The following SLC25A21 variants were observed in gnomAD, a reference collection of about 807,000 sequenced individuals.
The protein encoded by SLC25A21 is mitochondrial 2-oxodicarboxylate carrier.
A neutral mutation model predicts 43.8 loss-of-function variants in SLC25A21; 47 were observed. The observed-to-expected ratio is 1.07, with a 90% CI of 0.85 to 1.37. The LOEUF (loss-of-function observed/expected upper bound fraction) is 1.37, where lower values mean the gene tolerates loss of function less well. SLC25A21 is among the 40% of genes most tolerant of loss of function. The pLI, the probability that SLC25A21 is intolerant of heterozygous loss-of-function variation, is 0.00. For synonymous variants in SLC25A21, 131 were observed against 121.3 expected, an observed-to-expected ratio of 1.08 and a Z score of -0.52; for missense variants, 352 against 350.2, an observed-to-expected ratio of 1.00 and a Z score of -0.04.
intron 1 of SLC25A21, among the ~76,000 whole-genome samples, chr14:36,984,614 C>G (rs1960104380): frequency 6.6e-6 from 1 of 151,838 alleles, no homozygotes; most frequent in African/African-American, 2.4e-5. Context: ...TAGGTTTAAG[C>G]GTTTTGCTTT....
chr14:36,981,452 T>C (rs1275552425), intron 1 of SLC25A21, among the ~76,000 whole-genome samples: 2 of 152,144 alleles, frequency 1.3e-5, no homozygotes, highest in East Asian at 3.8e-4. Context: ...TGTCCAACAA[T>C]GATAGACTGG....
chr14:36,745,799 G>A (rs964272824), intron 3 of SLC25A21, among the ~76,000 whole-genome samples: 9 of 152,134 alleles, frequency 5.9e-5, no homozygotes, highest in Middle Eastern at 3.4e-3. Flanking sequence ...TAAGTTGCAC[G>A]AATAGGCATT....
intron 3 of SLC25A21, among the ~76,000 whole-genome samples, chr14:36,804,341 T>G (rs955249961): frequency 5.3e-5 from 8 of 152,202 alleles, no homozygotes; most frequent in African/African-American, 1.9e-4. Flanking sequence ...TACCACTCTT[T>G]TGTTATTGAC....
At chr14:36,958,459 T>C (rs1158935616) in intron 1 of SLC25A21, among the ~76,000 whole-genome samples, 1 of 152,222 alleles carries the variant, frequency 6.6e-6, no homozygotes, top group Non-Finnish European at 1.5e-5. Context: ...CCTGCAGGTA[T>C]GTGTTTCATC....
intron 1 of SLC25A21, among the ~76,000 whole-genome samples, chr14:37,010,822 G>C (rs1303682730): frequency 1.3e-5 from 2 of 152,112 alleles, no homozygotes; most frequent in Non-Finnish European, 2.9e-5. Flanking sequence ...AGAGATCAGT[G>C]CAGCCTTGAA....
At chr14:36,719,574 A>C (rs990348450) in intron 6 of SLC25A21, among the ~76,000 whole-genome samples, 7 of 152,204 alleles carry the variant, frequency 4.6e-5, no homozygotes, top group African/African-American at 1.7e-4. Flanking sequence ...TTCTTTATTC[A>C]CTGTGAAGTT....
At chr14:36,686,298 C>A (rs1229332940) in intron 7 of SLC25A21, among the ~76,000 whole-genome samples, 1 of 152,172 alleles carries the variant, frequency 6.6e-6, no homozygotes, top group Non-Finnish European at 1.5e-5. Flanking sequence ...ACAGGAAAAA[C>A]AATGCAGTGA....
At position 36,680,576 on chromosome 14, in the gene SLC25A21, G is replaced by A. The variant is rs1281544776; in HGVS notation, c.*82C>T. ...TTTTCTCCTTCATAATTATACACCT[G>A]GCCGATCGATAGTCTCTCTTCTTCA... On this transcript the variant is annotated 3_prime_UTR_variant, in exon 10 of 10. Transcript: ENST00000331299. 23 of 1,522,816 alleles carry A rather than the reference G, an allele frequency of 1.5e-5. No homozygotes were observed. The Admixed American group carries it at 4.7e-4, about 31-fold the overall frequency. 94.3% of individuals were successfully genotyped at this position (1,522,816 alleles called of 1,614,324 possible).
chr14:37,085,980 C>A (rs1962477686), intron 1 of SLC25A21, among the ~76,000 whole-genome samples: 1 of 152,096 alleles, frequency 6.6e-6, no homozygotes, highest in Non-Finnish European at 1.5e-5. Flanking sequence ...TGGCGGGCGC[C>A]TGTAGTCCCA....
chr14:37,034,474 T>C (rs950570575), intron 1 of SLC25A21, among the ~76,000 whole-genome samples: 1 of 152,200 alleles, frequency 6.6e-6, no homozygotes, highest in African/African-American at 2.4e-5. Context: ...CTTTTGTACT[T>C]TGTATTTTAC....
intron 1 of SLC25A21, among the ~76,000 whole-genome samples, chr14:37,101,732 A>G (rs1962820534): frequency 1.3e-5 from 2 of 152,328 alleles, no homozygotes; most frequent in South Asian, 4.1e-4. Context: ...TATGATATGC[A>G]TTTAACACAT....
At chr14:37,014,654 G>T in intron 1 of SLC25A21, among the ~76,000 whole-genome samples, 1 of 152,120 alleles carries the variant, frequency 6.6e-6, no homozygotes, top group East Asian at 1.9e-4. Context: ...CATTCAGAAT[G>T]ATAAATTCTT....
intron 1 of SLC25A21, among the ~76,000 whole-genome samples, chr14:36,950,380 C>T (rs1892779050): frequency 6.6e-6 from 1 of 151,968 alleles, no homozygotes; most frequent in South Asian, 2.1e-4. Context: ...GACCTTCATC[C>T]AATAGGACTA....
chr14:36,795,109 C>T (rs900018128), intron 3 of SLC25A21, among the ~76,000 whole-genome samples: 1 of 152,126 alleles, frequency 6.6e-6, no homozygotes, highest in Non-Finnish European at 1.5e-5. Context: ...CTTAAAGATA[C>T]TGTTAAAAGA....
At chr14:37,068,722 T>C (rs1460597286) in intron 1 of SLC25A21, among the ~76,000 whole-genome samples, 3 of 152,200 alleles carry the variant, frequency 2.0e-5, no homozygotes, top group Non-Finnish European at 4.4e-5. Flanking sequence ...TTTATACAAA[T>C]TGACTTATTA....
At chr14:36,749,384 C>T (rs899328414) in intron 3 of SLC25A21, among the ~76,000 whole-genome samples, 5 of 152,186 alleles carry the variant, frequency 3.3e-5, no homozygotes, top group African/African-American at 1.2e-4. Context: ...TTCATGTCTA[C>T]TATCCTGGTG....
chr14:37,141,519 C>A (rs1181240164), intron 1 of SLC25A21, among the ~76,000 whole-genome samples: 1 of 151,622 alleles, frequency 6.6e-6, no homozygotes, highest in Middle Eastern at 3.2e-3. Flanking sequence ...AAAAAAAAAA[C>A]TGAAATATAA....
At chr14:36,894,604 C>T (rs558137974) in intron 1 of SLC25A21, among the ~76,000 whole-genome samples, 2 of 152,138 alleles carry the variant, frequency 1.3e-5, no homozygotes, top group South Asian at 4.2e-4. Flanking sequence ...GAGAGGGCAT[C>T]CCTGTCTTGT....
At chr14:36,937,194 C>T (rs963335126) in intron 1 of SLC25A21, among the ~76,000 whole-genome samples, 17 of 152,154 alleles carry the variant, frequency 1.1e-4, no homozygotes, top group African/African-American at 3.9e-4. Context: ...AGGCACGTTG[C>T]CCCACATTTC....
Sources: allele counts gnomAD v4.1 joint callset (sites outside exome capture counted in the v4.1 genomes callset), GRCh38; gene constraint gnomAD v4.1.1; transcripts MANE v1.5; gene names NCBI Gene and HGNC (gene_info 2026-07-23, HGNC 2026-07-21).